Variants in TRIO observed in about 807,000 individuals in gnomAD.
TRIO encodes trio Rho guanine nucleotide exchange factor.
A neutral mutation model predicts 351.9 loss-of-function variants in TRIO; 58 were observed. The observed-to-expected ratio is 0.16, with a 90% confidence interval of 0.13 to 0.21. The LOEUF (loss-of-function observed/expected upper bound fraction) is 0.21. Among genes scored for constraint, TRIO ranks in the 10% least tolerant of loss-of-function variants. TRIO has a pLI of 1.00. For synonymous variants in TRIO, 1,758 were observed against 1,595.7 expected, an observed-to-expected ratio of 1.10 and a Z score of -2.42; for missense variants, 3,201 against 4,027.8, an observed-to-expected ratio of 0.79 and a Z score of 5.56.
rs185389390 is a variant in TRIO at position 14,254,527 on chromosome 5, C to T, written c.158-16298C>T. 1.9e-3 allele frequency among the ~76,000 whole-genome samples: 284 copies of T among 152,168 alleles called. 2 individuals carry two copies. Among genetic ancestry groups the T allele is most frequent in the Non-Finnish European group, 3.3e-3 (225 of 68,008 alleles). On this transcript the variant is annotated intron_variant, in intron 1 of 56. Transcript: ENST00000344204. ...CATTCCAGCAATGTGCCATGTGAGG[C>T]GCCTGGAAAGGAAGGATACAGGAAG...
chr5:14,361,594 G>A (rs1204114527), intron 13 of TRIO, among the ~76,000 whole-genome samples: 1 of 152,192 alleles, frequency 6.6e-6, no homozygotes, highest in African/African-American at 2.4e-5. Flanking sequence ...GAGTTATGTC[G>A]ATGGTAGAAT....
intron 1 of TRIO, among the ~76,000 whole-genome samples, chr5:14,232,313 C>T (rs1012941612): frequency 6.6e-6 from 1 of 152,216 alleles, no homozygotes; most frequent in African/African-American, 2.4e-5. Flanking sequence ...ATACCACTCC[C>T]CCCAACCCCT....
intron 32 of TRIO, chr5:14,406,193 G>C (rs561395440): frequency 2.1e-5 from 16 of 776,164 alleles, no homozygotes; most frequent in Non-Finnish European, 3.0e-5. Context: ...AGTAAACGAA[G>C]GGCTGTGTGC....
chr5:14,302,403 A>G (rs1234707791), intron 7 of TRIO, among the ~76,000 whole-genome samples: 1 of 152,232 alleles, frequency 6.6e-6, no homozygotes, highest in African/African-American at 2.4e-5. Flanking sequence ...GTTAACCTCA[A>G]TCAATTTGTG....
intron 1 of TRIO, among the ~76,000 whole-genome samples, chr5:14,179,689 T>C (rs1789632656): frequency 6.6e-6 from 1 of 152,076 alleles, no homozygotes; most frequent in African/African-American, 2.4e-5. Flanking sequence ...GCTCAAGCCA[T>C]CCTCCCAGCG....
chr5:14,379,830 C>T (rs369763604), intron 20 of TRIO, among the ~76,000 whole-genome samples: 7 of 152,200 alleles, frequency 4.6e-5, no homozygotes, highest in African/African-American at 1.7e-4. Flanking sequence ...AGGTGGTGCC[C>T]CATCTGCCTT....
chr5:14,371,873 C>G (rs536752457), intron 18 of TRIO, among the ~76,000 whole-genome samples: 2 of 152,140 alleles, frequency 1.3e-5, no homozygotes, highest in South Asian at 4.1e-4. Context: ...AACTCCTGGG[C>G]TCAAGTGATC....
At chr5:14,375,786 G>C (rs1199120113) in intron 19 of TRIO, among the ~76,000 whole-genome samples, 1 of 152,172 alleles carries the variant, frequency 6.6e-6, no homozygotes, top group Non-Finnish European at 1.5e-5. Flanking sequence ...GGAAATAGGA[G>C]ACTAGAAAAA....
In TRIO at chr5:14,502,848, G is replaced by A. The variant is rs113876403; in HGVS notation, c.8411+191G>A. On this transcript the variant is annotated intron_variant, in intron 54 of 56. Coordinates refer to ENST00000344204, the MANE Select transcript of TRIO (RefSeq NM_007118.4). ...GAAGTAAGGAAGCCATTTTCCACTC[G>A]GGTTCCAGCAGAGAGGGCCGAATGC... Among the ~76,000 whole-genome samples the A allele has an allele frequency of 0.031, 4,785 of 152,290 alleles. 131 individuals carry two copies. Among genetic ancestry groups the A allele is most frequent in the Non-Finnish European group, 0.047 (3,189 of 68,020 alleles).
At chr5:14,451,348 C>T (rs562195359) in intron 34 of TRIO, among the ~76,000 whole-genome samples, 6 of 152,116 alleles carry the variant, frequency 3.9e-5, no homozygotes, top group African/African-American at 1.4e-4. Context: ...AAAAGGCCAC[C>T]TTGATTCCAA....
intron 1 of TRIO, among the ~76,000 whole-genome samples, 159 bp downstream of exon 1, chr5:14,144,041 G>C (rs1457993855): frequency 4.0e-5 from 6 of 151,870 alleles, no homozygotes; most frequent in African/African-American, 1.4e-4. Context: ...TCCATGCGCC[G>C]GGGCTGCCCG....
intron 9 of TRIO, among the ~76,000 whole-genome samples, chr5:14,328,723 G>T (rs1009319636): frequency 1.3e-5 from 2 of 152,198 alleles, no homozygotes; most frequent in African/African-American, 4.8e-5. Context: ...AACTACCTGT[G>T]ACTGTCACCA....
chr5:14,220,546 CCTCTTGTGCCAAACAG>C (rs1475292074), intron 1 of TRIO, among the ~76,000 whole-genome samples: 1 of 152,190 alleles, frequency 6.6e-6, no homozygotes, highest in Admixed American at 6.5e-5. Flanking sequence ...AAAAGCTAGG[CCTCTTGTGCCAAACAG>C]CCAAGTTGTG....
At chr5:14,280,779 T>C (rs73751329) in intron 3 of TRIO, among the ~76,000 whole-genome samples, 3,803 of 152,274 alleles carry the variant, frequency 0.025, 161 homozygotes, top group African/African-American at 0.088. Flanking sequence ...GGGTGCTGCT[T>C]TTGACAATGC....
chr5:14,323,197 T>C (rs1360553135), intron 9 of TRIO, among the ~76,000 whole-genome samples: 2 of 152,136 alleles, frequency 1.3e-5, no homozygotes, highest in Non-Finnish European at 2.9e-5. Context: ...GTGTGTTGAA[T>C]TCTGTGTCTG....
chr5:14,231,007 G>C (rs1793390705), intron 1 of TRIO, among the ~76,000 whole-genome samples: 1 of 152,164 alleles, frequency 6.6e-6, no homozygotes, highest in South Asian at 2.1e-4. Context: ...CTGATTACTT[G>C]CCAATGCCTA....
intron 1 of TRIO, among the ~76,000 whole-genome samples, chr5:14,148,277 C>T (rs571280851): frequency 8.5e-5 from 13 of 152,106 alleles, no homozygotes; most frequent in African/African-American, 3.1e-4. Flanking sequence ...TTTCAGTGGC[C>T]TTTTTTGACC....
intron 1 of TRIO, among the ~76,000 whole-genome samples, chr5:14,152,466 G>A (rs999334673): frequency 6.6e-6 from 1 of 152,170 alleles, no homozygotes; most frequent in African/African-American, 2.4e-5. Context: ...TGCCTCCCGG[G>A]TTCAAGCAGT....
intron 1 of TRIO, among the ~76,000 whole-genome samples, chr5:14,188,835 C>T (rs1790289673): frequency 6.6e-6 from 1 of 152,086 alleles, no homozygotes; most frequent in African/African-American, 2.4e-5. Context: ...TGCCTTTTAG[C>T]CTGGGAACTT....
Sources: gnomAD v4.1 joint callset for allele counts (sites outside exome capture counted in the v4.1 genomes callset) on GRCh38, gnomAD v4.1.1 for gene constraint, MANE v1.5 for transcripts, NCBI Gene and HGNC (gene_info 2026-07-23, HGNC 2026-07-21) for gene names.